The following CLIC5 variants were observed in gnomAD, a reference collection of about 807,000 sequenced individuals.
The protein encoded by CLIC5 is chloride intracellular channel protein 5.
Under a neutral mutation model 24.7 loss-of-function variants are expected in CLIC5, and 20 were observed. The observed-to-expected ratio is 0.81, with a 90% confidence interval of 0.57 to 1.18. The LOEUF (loss-of-function observed/expected upper bound fraction) is 1.18. Ranked by LOEUF, CLIC5 falls within the 50% of genes most tolerant of loss-of-function variation. The pLI, the probability that CLIC5 is intolerant of heterozygous loss-of-function variation, is 0.00. For missense variants in CLIC5, 341 were observed against 326.1 expected, an observed-to-expected ratio of 1.05 and a Z score of -0.35; for synonymous variants, 159 against 135.6, an observed-to-expected ratio of 1.17 and a Z score of -1.20.
chr6:46,054,291 A>G (rs1185885427), intron 1 of CLIC5, among the ~76,000 whole-genome samples: 1 of 152,016 alleles, frequency 6.6e-6, no homozygotes, highest in African/African-American at 2.4e-5. Flanking sequence ...TATAAAACCC[A>G]CCACTGCCAA....
In CLIC5 at chr6:45,901,209, T is replaced by G. The variant is rs1045434742; in HGVS notation, c.*1879A>C. The G allele has an allele frequency of 2.0e-5, 3 of 152,150 alleles. No individual in the cohort carries two copies. The highest frequency in any genetic ancestry group is 2.9e-5 in the Non-Finnish European group (2 of 68,014). The allele number at this position is 152,150 out of a possible 1,614,324, so 9.4% of individuals were successfully genotyped here. A position where few individuals can be genotyped will look rare whatever the true frequency, so the allele number is the denominator to read the frequency against. ...CTCTTTCCTCACCAGTTCTCCTTGTTAAACATCTCCAGGGCACAATTTCCA... is the reference window on the plus strand; with the variant it reads ...CTCTTTCCTCACCAGTTCTCCTTGTGAAACATCTCCAGGGCACAATTTCCA... On this transcript the variant is annotated 3_prime_UTR_variant, in exon 6 of 6. Coordinates refer to ENST00000339561, the MANE Select transcript of CLIC5 (RefSeq NM_016929.5).
chr6:46,116,007 C>T, the CLIC5 span, among the ~76,000 whole-genome samples: 4 of 152,194 alleles, frequency 2.6e-5, no homozygotes, highest in Non-Finnish European at 4.4e-5. Context: ...TTTTTATCCT[C>T]CTCTATAAAT....
intron 1 of CLIC5, among the ~76,000 whole-genome samples, chr6:45,994,101 C>A (rs2127426121): frequency 6.6e-6 from 1 of 152,180 alleles, no homozygotes; most frequent in African/African-American, 2.4e-5. Context: ...TCATGGTCAG[C>A]AGATATCCCC....
chr6:46,032,981 A>ATTTTTTTTTTTTTTTTTTTTTTTTTTTT (rs35845581), intron 1 of CLIC5, among the ~76,000 whole-genome samples: 1 of 79,008 alleles, frequency 1.3e-5, no homozygotes, highest in African/African-American at 4.8e-5. Flanking sequence ...GGAAATCTAC[A>ATTTTTTTTTTTTTTTTTTTTTTTTTTTT]TTTTTTTTTT....
At chr6:46,050,048 G>A (rs1768060856) in intron 1 of CLIC5, among the ~76,000 whole-genome samples, 1 of 152,122 alleles carries the variant, frequency 6.6e-6, no homozygotes, top group Non-Finnish European at 1.5e-5. Context: ...GGCCTTAGGA[G>A]GTCCCATCAC....
intron 5 of CLIC5, among the ~76,000 whole-genome samples, chr6:45,908,344 G>A (rs1246675398): frequency 6.6e-6 from 1 of 151,954 alleles, no homozygotes; most frequent in Non-Finnish European, 1.5e-5. Flanking sequence ...TGTTTTTCTA[G>A]TTCCTCTAGG....
At chr6:46,062,146 C>T (rs1254768383) in intron 1 of CLIC5, among the ~76,000 whole-genome samples, 1 of 152,204 alleles carries the variant, frequency 6.6e-6, no homozygotes, top group East Asian at 1.9e-4. Flanking sequence ...CTAATGGCTA[C>T]CATTTTGAAT....
At chr6:46,057,976 T>C (rs771843425) in intron 1 of CLIC5, among the ~76,000 whole-genome samples, 5 of 152,144 alleles carry the variant, frequency 3.3e-5, no homozygotes, top group Admixed American at 1.3e-4. Flanking sequence ...ACAACCCAAC[T>C]CACACATTGA....
intron 1 of CLIC5, among the ~76,000 whole-genome samples, chr6:45,966,215 G>A (rs748934429): frequency 1.3e-5 from 2 of 152,136 alleles, no homozygotes; most frequent in Non-Finnish European, 2.9e-5. Context: ...ATTAATTAGG[G>A]TCATGTACAT....
chr6:46,043,907 T>C (rs1354696217), intron 1 of CLIC5, among the ~76,000 whole-genome samples: 1 of 152,252 alleles, frequency 6.6e-6, no homozygotes, highest in Admixed American at 6.5e-5. Context: ...CAGCCCACTC[T>C]TCAGTTCACA....
intron 1 of CLIC5, among the ~76,000 whole-genome samples, chr6:45,964,164 G>A (rs192525631): frequency 6.6e-6 from 1 of 152,188 alleles, no homozygotes; most frequent in Non-Finnish European, 1.5e-5. Flanking sequence ...TAGCCCAGGT[G>A]TAATATTTAA....
chr6:46,072,836 A>C (rs1292509577), intron 1 of CLIC5, among the ~76,000 whole-genome samples: 1 of 152,222 alleles, frequency 6.6e-6, no homozygotes, highest in East Asian at 1.9e-4. Flanking sequence ...TCACAGTGAT[A>C]GTTAACATTT....
Position 45,912,054 on chromosome 6 carries a change from G to A in CLIC5, c.588+2174C>T, listed in dbSNP as rs184521047. On this transcript the variant is annotated intron_variant, in intron 5 of 5. Coordinates refer to ENST00000339561, the MANE Select transcript of CLIC5 (RefSeq NM_016929.5). ...GCAGCAAGGGGGTAAGGATGCACAC[G>A]GAGATCTGACGTTCGCAGGGACTTC... 3.2e-5 allele frequency: 32 copies of A among 985,848 alleles called. No individual in the cohort carries two copies. In the African/African-American group the frequency reaches 4.4e-4, roughly 13 times the overall value. The allele number at this position is 985,848 out of a possible 1,614,324, so 61.1% of individuals were successfully genotyped here. A position where few individuals can be genotyped will look rare whatever the true frequency, so the allele number is the denominator to read the frequency against.
At chr6:45,980,504 C>G (rs1376395426) in intron 1 of CLIC5, among the ~76,000 whole-genome samples, 1 of 151,954 alleles carries the variant, frequency 6.6e-6, no homozygotes, top group African/African-American at 2.4e-5. Context: ...ATATACCAAA[C>G]CTCAGCGACA....
chr6:46,019,518 C>G (rs939798963), upstream of CLIC5, among the ~76,000 whole-genome samples: 84 of 150,636 alleles, frequency 5.6e-4, no homozygotes, highest in East Asian at 0.016. Context: ...AACCCCGTCT[C>G]TACTAAAAAT....
intron 1 of CLIC5, among the ~76,000 whole-genome samples, chr6:45,971,283 A>G (rs1404354250): frequency 1.3e-5 from 2 of 152,250 alleles, no homozygotes; most frequent in Non-Finnish European, 2.9e-5. Context: ...TCTAGAGTAG[A>G]AGTATATGTA....
intron 1 of CLIC5, among the ~76,000 whole-genome samples, chr6:46,060,625 G>T (rs796559363): frequency 4.6e-5 from 7 of 152,258 alleles, no homozygotes; most frequent in African/African-American, 1.7e-4. Flanking sequence ...GATCCACTAT[G>T]CTAAACCTCC....
At chr6:45,940,081 C>T (rs1420956140) in intron 4 of CLIC5, among the ~76,000 whole-genome samples, 3 of 152,152 alleles carry the variant, frequency 2.0e-5, no homozygotes, top group Non-Finnish European at 4.4e-5. Context: ...GGGCTTCAGT[C>T]ACTTTTTCCA....
In CLIC5 at chr6:45,898,765, C is replaced by A. The variant is rs1189646489; in HGVS notation, c.*4323G>T. ...CTTATAAAATAGGACAACGAGGTGG[C>A]CAGGAAAGTAAGACAAATTCAAACA... On this transcript the variant is annotated 3_prime_UTR_variant, in exon 6 of 6. Coordinates refer to ENST00000339561, the MANE Select transcript of CLIC5 (RefSeq NM_016929.5). 6.6e-6 allele frequency: 1 copy of A among 152,424 alleles called. No homozygotes were observed. The highest frequency in any genetic ancestry group is 2.4e-5 in the African/African-American group (1 of 41,370). 9.4% of individuals were successfully genotyped at this position (152,424 alleles called of 1,614,324 possible). A position where few individuals can be genotyped will look rare whatever the true frequency, so the allele number is the denominator to read the frequency against.
Sources: allele counts gnomAD v4.1 joint callset (sites outside exome capture counted in the v4.1 genomes callset), GRCh38; gene constraint gnomAD v4.1.1; transcripts MANE v1.5; gene names NCBI Gene and HGNC (gene_info 2026-07-23, HGNC 2026-07-21).